Variants in TLE4 observed in about 807,000 individuals in gnomAD.
TLE4 encodes the protein transducin-like enhancer protein 4.
TLE4 carries 8 observed loss-of-function variants against 92.8 expected under a neutral mutation model. That is an observed-to-expected ratio of 0.09 (90% CI 0.05 to 0.16). The LOEUF (loss-of-function observed/expected upper bound fraction) is 0.16, where lower values mean the gene tolerates loss of function less well. TLE4 is among the 10% of genes least tolerant of loss of function. TLE4 has a pLI of 1.00. For missense variants in TLE4, 675 were observed against 997.6 expected (o/e 0.68, Z 4.36); for synonymous variants, 371 against 374.1 (o/e 0.99, Z 0.10).
rs2071408048 is a variant in TLE4, at chr9:79,705,890, A to G, written c.731A>G (p.Asp244Gly). The G allele has an allele frequency of 6.2e-7, 1 of 1,614,208 alleles. No individual in the cohort carries two copies. The highest frequency in any genetic ancestry group is 1.3e-5 in the African/African-American group (1 of 75,052). ...AATGCTTCTCACTTGTCAATGCAGGACAGCGATGGTGAGAAAAGTGATGAC... is the reference window on the plus strand; with the variant it reads ...AATGCTTCTCACTTGTCAATGCAGGGCAGCGATGGTGAGAAAAGTGATGAC... The part of the protein sequence containing the change: ...TEEKEIAARY[D>G]SDGEKSDDNL... Residue 244 changes from aspartate (D) to glycine (G), a missense_variant and splice_region_variant, in exon 10 of 20, where the codon GAC becomes GGC. Physicochemically the swap from Asp to Gly is moderately conservative, Grantham distance 94. This residue lies in a region of TLE4 where 280 missense variants were observed against 287.3 expected (regional missense o/e 0.97). Transcript: ENST00000376552.
In TLE4 at chr9:79,572,835, A is replaced by G. The variant is rs1934610; in HGVS notation, c.45A>G (p.Pro15=). ...AGATGTACCCGCAGACCAGACACCCAGTGAGTGCGGGCGGCGGGGCGCGGG... is the reference window on the plus strand; with the variant it reads ...AGATGTACCCGCAGACCAGACACCCGGTGAGTGCGGGCGGCGGGGCGCGGG... ...LSKMYPQTRH[P]APHQPAQPFK... is the part of the protein sequence containing the mutation. The change falls in exon 1 of 20, where the codon CCA becomes CCG. Residue 15 remains proline, a splice_region_variant and synonymous_variant. Transcript: ENST00000376552. 1,560,681 of 1,595,364 alleles carry G rather than the reference A, an allele frequency of 0.98. 763,475 individuals carry two copies. Among genetic ancestry groups the G allele is most frequent in the East Asian group, 1 (42,884 of 42,892 alleles).
At chr9:79,606,033 C>A (rs1267692950) in intron 4 of TLE4, among the ~76,000 whole-genome samples, 1 of 151,824 alleles carries the variant, frequency 6.6e-6, no homozygotes, top group Non-Finnish European at 1.5e-5. Context: ...AGACAGTATC[C>A]TTTTCTCACT....
chr9:79,644,740 A>G (rs765957634), intron 6 of TLE4, among the ~76,000 whole-genome samples: 5 of 152,316 alleles, frequency 3.3e-5, no homozygotes, highest in Admixed American at 6.5e-5. Context: ...TTGCTGCTCT[A>G]TTTCAGAGTC....
At chr9:79,599,039 T>TAA (rs1319884694) in intron 4 of TLE4, among the ~76,000 whole-genome samples, 1 of 152,222 alleles carries the variant, frequency 6.6e-6, no homozygotes, top group Non-Finnish European at 1.5e-5. Flanking sequence ...TCTTGTGGTA[T>TAA]GTTTTGTGGT....
At chr9:79,706,157 T>C (rs898175105) in intron 10 of TLE4, among the ~76,000 whole-genome samples, 1 of 151,978 alleles carries the variant, frequency 6.6e-6, no homozygotes, top group African/African-American at 2.4e-5. Flanking sequence ...TGATTCTCCC[T>C]GTTCAGCCTC....
At chr9:79,652,953 C>G (rs1231739809) in intron 7 of TLE4, 159 bp downstream of exon 7, 1 of 847,756 alleles carries the variant, frequency 1.2e-6, no homozygotes, top group East Asian at 2.5e-5. Context: ...TAGTCAATTG[C>G]CAAATGATAT....
At position 79,653,661 on chromosome 9, in the gene TLE4, T is replaced by C. The variant is rs2134235476; in HGVS notation, c.593-398T>C. ...TACCCCTGTTTCAGCATCCTTACTG[T>C]GAATTATAATATTAAGTCAGTGATT... is the stretch of plus-strand genomic sequence containing the variant. On this transcript the variant is annotated intron_variant, in intron 7 of 19. Transcript: ENST00000376552. Among the ~76,000 whole-genome samples the C allele has an allele frequency of 2.0e-5, 3 of 152,320 alleles. 1 individual carries two copies. The highest frequency in any genetic ancestry group is 7.2e-5 in the African/African-American group (3 of 41,566).
At chr9:79,633,908 G>A (rs930440785) in intron 6 of TLE4, among the ~76,000 whole-genome samples, 5 of 152,146 alleles carry the variant, frequency 3.3e-5, no homozygotes, top group Non-Finnish European at 5.9e-5. Flanking sequence ...ATTGACAGTG[G>A]TTAACTGTCA....
In TLE4 at chr9:79,635,573, GT is replaced by G. The variant is rs71504957; in HGVS notation, c.390+8140del. Among the ~76,000 whole-genome samples the G allele has an allele frequency of 6.4e-3, 872 of 135,968 alleles. 3 individuals are homozygous for G. Among genetic ancestry groups the G allele is most frequent in the East Asian group, 0.024 (115 of 4,738 alleles). The allele number at this position is 135,968 out of a possible 152,430, so 89.2% of individuals were successfully genotyped here. On this transcript the variant is annotated intron_variant, in intron 6 of 19. Coordinates refer to ENST00000376552, the MANE Select transcript of TLE4 (RefSeq NM_007005.6). ...GGTAAGATATATGCATTAAGTTGAGGTTTTTTTTTTTTTTTCCCACAAGGAC... is the reference window on the plus strand; with the variant it reads ...GGTAAGATATATGCATTAAGTTGAGGTTTTTTTTTTTTTTCCCACAAGGAC...
At chr9:79,719,007 A>C in intron 15 of TLE4, 36 bp downstream of exon 15, 1 of 1,579,228 alleles carries the variant, frequency 6.3e-7, no homozygotes, top group Non-Finnish European at 8.6e-7. Flanking sequence ...TTAGACTTTC[A>C]TTCAGAAAAC....
At chr9:79,723,737 TATC>T (rs1473830898) in intron 19 of TLE4, among the ~76,000 whole-genome samples, 1 of 152,212 alleles carries the variant, frequency 6.6e-6, no homozygotes, top group Non-Finnish European at 1.5e-5. Context: ...CAAGTGGTAT[TATC>T]ATAAAGTAGA....
rs1286036219 is a variant in TLE4 at position 79,722,707 on chromosome 9, C to T, written c.2137+106C>T. On this transcript the variant is annotated intron_variant, in intron 18 of 19. Transcript: ENST00000376552. ...TCCTTGAGTTCATTACCATGCCCCTCTTCAGAATTCTATTACTTCCTGATA... is the reference window on the plus strand; with the variant it reads ...TCCTTGAGTTCATTACCATGCCCCTTTTCAGAATTCTATTACTTCCTGATA... The T allele has an allele frequency of 5.1e-6, 7 of 1,361,192 alleles. No homozygotes were observed. In the African/African-American group the frequency reaches 1.0e-4, roughly 20 times the overall value. 84.3% of individuals were successfully genotyped at this position (1,361,192 alleles called of 1,614,324 possible).
At chr9:79,641,969 AAAG>A (rs1013083841) in intron 6 of TLE4, among the ~76,000 whole-genome samples, 3 of 152,092 alleles carry the variant, frequency 2.0e-5, no homozygotes, top group African/African-American at 4.8e-5. Flanking sequence ...TTTAATTAAA[AAAG>A]GGTATAGAAG....
At chr9:79,695,716 C>T (rs2068086726) in intron 8 of TLE4, among the ~76,000 whole-genome samples, 1 of 152,174 alleles carries the variant, frequency 6.6e-6, no homozygotes, top group Non-Finnish European at 1.5e-5. Context: ...TGTTAGAGAT[C>T]GGCTGGAGGG....
intron 11 of TLE4, 127 bp from the exon 12 acceptor site, chr9:79,707,991 T>C: frequency 2.1e-6 from 2 of 959,142 alleles, no homozygotes; most frequent in Non-Finnish European, 3.1e-6. Context: ...TTAAAGAAAA[T>C]CAAGGCCCAA....
chr9:79,668,918 T>G (rs1415129669), intron 8 of TLE4: 1 of 784,204 alleles, frequency 1.3e-6, no homozygotes, highest in Non-Finnish European at 1.5e-6. Context: ...TGCTGGCATT[T>G]TATTCATGAG....
At chr9:79,723,352 T>A (rs931507848) in intron 19 of TLE4, among the ~76,000 whole-genome samples, 1 of 152,250 alleles carries the variant, frequency 6.6e-6, no homozygotes, top group Non-Finnish European at 1.5e-5. Flanking sequence ...TCTTTTGTAA[T>A]TTTTAATTTT....
chr9:79,653,010 C>A, intron 7 of TLE4: 1 of 642,786 alleles, frequency 1.6e-6, no homozygotes, highest in Non-Finnish European at 2.9e-6. Flanking sequence ...GCAGAGGGGC[C>A]TATTTCTGGT....
chr9:79,681,831 CAT>C (rs1491505437), intron 8 of TLE4, among the ~76,000 whole-genome samples: 1,354 of 68,146 alleles, frequency 0.02, 16 homozygotes, highest in African/African-American at 0.07. Context: ...AGAGTGTGTG[CAT>C]GTGTGTGTGT....
Sources: allele counts gnomAD v4.1 joint callset (sites outside exome capture counted in the v4.1 genomes callset), GRCh38; gene constraint gnomAD v4.1.1; regional missense constraint gnomAD v4.1.1; transcripts MANE v1.5; gene names NCBI Gene and HGNC (gene_info 2026-07-23, HGNC 2026-07-21).